Variants in MERTK observed in about 807,000 individuals in gnomAD.
MERTK encodes tyrosine-protein kinase Mer.
In MERTK, 69 loss-of-function variants were observed where a neutral mutation model predicts 99.3. The observed-to-expected ratio is 0.70, with a 90% confidence interval of 0.57 to 0.85. The LOEUF (loss-of-function observed/expected upper bound fraction) is 0.85. Among genes scored for constraint, MERTK ranks in the 40% least tolerant of loss-of-function variants. MERTK has a pLI of 0.00. For missense variants in MERTK, 1,125 were observed against 1,249.4 expected, an observed-to-expected ratio of 0.90 and a Z score of 1.50; for synonymous variants, 426 against 467.6, an observed-to-expected ratio of 0.91 and a Z score of 1.15.
intron 6 of MERTK, among the ~76,000 whole-genome samples, 163 bp downstream of exon 6, chr2:111,968,415 T>C (rs975208662): frequency 6.6e-6 from 1 of 152,188 alleles, no homozygotes; most frequent in African/African-American, 2.4e-5. Flanking sequence ...CTATTCCATG[T>C]CCATGCTCTG....
Position 112,008,485 on chromosome 2 carries a change from AG to A in MERTK, c.1960+11del. On this transcript the variant is annotated intron_variant, in intron 14 of 18. Coordinates refer to ENST00000295408, the MANE Select transcript of MERTK (RefSeq NM_006343.3). ...GTCATTCGACTTCTAGGTACTTCCG[AG>A]AAATGCAGGAGTGGGTGGCCAAGAG... The A allele has an allele frequency of 6.2e-7, 1 of 1,609,484 alleles. No individual in the cohort carries two copies. Among genetic ancestry groups the A allele is most frequent in the Non-Finnish European group, 8.5e-7 (1 of 1,175,786 alleles).
chr2:111,929,250 GTTTTCAC>G lies in MERTK; in HGVS notation c.193_199del (p.Phe65GlnfsTer12), dbSNP rs1294318434. On this transcript the variant is annotated frameshift_variant, in exon 2 of 19. Coordinates refer to ENST00000295408, the MANE Select transcript of MERTK (RefSeq NM_006343.3). LOFTEE classifies it high-confidence loss of function. ...CCAGTGGGTACCAGCCTGCCTTGAT[GTTTTCAC>G]CAACCCAGCCTGGAAGACCACATAC... 6.2e-7 allele frequency: 1 copy of G among 1,614,196 alleles called. No individual in the cohort carries two copies. Among genetic ancestry groups the G allele is most frequent in the Non-Finnish European group, 8.5e-7 (1 of 1,180,034 alleles).
Position 111,929,243 on chromosome 2 carries a change from C to CCTTGATGTTTTCACCAACCCAGCCTGG in MERTK, c.186_212dup (p.Leu63_Gly71dup). 1 of 1,614,200 alleles carries CCTTGATGTTTTCACCAACCCAGCCTGG rather than the reference C, an allele frequency of 6.2e-7. No individual in the cohort carries two copies. Among genetic ancestry groups the CCTTGATGTTTTCACCAACCCAGCCTGG allele is most frequent in the South Asian group, 1.1e-5 (1 of 91,080 alleles). ...CCTCACGCCAGTGGGTACCAGCCTG[C>CCTTGATGTTTTCACCAACCCAGCCTGG]CTTGATGTTTTCACCAACCCAGCCT... On this transcript the variant is annotated inframe_insertion, in exon 2 of 19. Coordinates refer to ENST00000295408, the MANE Select transcript of MERTK (RefSeq NM_006343.3).
chr2:112,007,280 A>C (rs567960720), intron 13 of MERTK, among the ~76,000 whole-genome samples: 1 of 152,090 alleles, frequency 6.6e-6, no homozygotes, highest in South Asian at 2.1e-4. Flanking sequence ...TCAGCCTCAC[A>C]AGTAGCTGGA....
intron 18 of MERTK, 174 bp downstream of exon 18, chr2:112,022,568 G>A (rs776938254): frequency 2.0e-6 from 2 of 977,050 alleles, no homozygotes; most frequent in Non-Finnish European, 3.3e-6. Flanking sequence ...TCCTGATGTG[G>A]GAGATAGTGT....
In MERTK at chr2:111,981,183, A is replaced by G. The variant is rs528183427; in HGVS notation, c.1145-1659A>G. Among the ~76,000 whole-genome samples, 7 of 152,344 alleles carry G rather than the reference A, an allele frequency of 4.6e-5. No homozygotes were observed. The East Asian group carries it at 1.3e-3, about 29-fold the overall frequency. Reference sequence around the variant, plus strand: ...ATCCTTTCACACATATCTGAAATATAGAATTTAACCTCCCCTCATTCAACT... The same window carrying G: ...ATCCTTTCACACATATCTGAAATATGGAATTTAACCTCCCCTCATTCAACT... On this transcript the variant is annotated intron_variant, in intron 7 of 18. Transcript: ENST00000295408.
intron 4 of MERTK, among the ~76,000 whole-genome samples, chr2:111,953,588 T>TC (rs398042575): frequency 6.6e-6 from 1 of 152,008 alleles, no homozygotes; most frequent in Non-Finnish European, 1.5e-5. Flanking sequence ...CTTTTTTTTT[T>TC]GTTTTGAGAT....
At chr2:111,925,404 C>T (rs1319109553) in intron 1 of MERTK, among the ~76,000 whole-genome samples, 12 of 141,446 alleles carry the variant, frequency 8.5e-5, no homozygotes, top group Non-Finnish European at 1.2e-4. Flanking sequence ...CGGGTTCAAG[C>T]GATTCTCCTG....
At position 112,001,909 on chromosome 2, in the gene MERTK, T is replaced by G. The variant is rs188248263; in HGVS notation, c.1690+623T>G. Among the ~76,000 whole-genome samples, 52 of 152,326 alleles carry G rather than the reference T, an allele frequency of 3.4e-4. No individual in the cohort carries two copies. The East Asian group carries it at 9.6e-3, about 28-fold the overall frequency. On this transcript the variant is annotated intron_variant, in intron 11 of 18. Transcript: ENST00000295408. ...AAACTTGCTTGGTGTAGAATATTAT[T>G]AATTTCTTTACCTTTCTAGTCTGTA... is the stretch of plus-strand genomic sequence containing the variant.
At chr2:111,915,627 G>T (rs914014299) in intron 1 of MERTK, among the ~76,000 whole-genome samples, 1 of 151,950 alleles carries the variant, frequency 6.6e-6, no homozygotes, top group African/African-American at 2.4e-5. Flanking sequence ...TTTAGTTTGC[G>T]GCTGGGCGTG....
At chr2:111,904,813 T>C (rs1254434610) in intron 1 of MERTK, among the ~76,000 whole-genome samples, 1 of 152,228 alleles carries the variant, frequency 6.6e-6, no homozygotes, top group Non-Finnish European at 1.5e-5. Flanking sequence ...CAGGTGGTCT[T>C]GTAGGAAATG....
chr2:111,945,727 G>T (rs1179688771), intron 3 of MERTK, among the ~76,000 whole-genome samples: 1 of 152,240 alleles, frequency 6.6e-6, no homozygotes, highest in Non-Finnish European at 1.5e-5. Flanking sequence ...GGTGAGCCCA[G>T]GTCCTGGTTT....
intron 4 of MERTK, among the ~76,000 whole-genome samples, chr2:111,949,766 A>G (rs1294593043): frequency 6.6e-6 from 1 of 152,122 alleles, no homozygotes. Context: ...CCCATAGGCA[A>G]TTCTGTTCTT....
At chr2:111,965,089 C>A in intron 4 of MERTK, 102 bp from the exon 5 acceptor site, 1 of 1,171,256 alleles carries the variant, frequency 8.5e-7, no homozygotes, top group Non-Finnish European at 1.3e-6. Flanking sequence ...TGCCCAAAAG[C>A]CATGAACCAA....
chr2:112,006,233 G>T (rs1387751919), intron 13 of MERTK, among the ~76,000 whole-genome samples: 1 of 151,624 alleles, frequency 6.6e-6, no homozygotes, highest in Non-Finnish European at 1.5e-5. Context: ...TAACCAACAA[G>T]TCACATGAAC....
intron 1 of MERTK, among the ~76,000 whole-genome samples, chr2:111,926,393 G>GC (rs1684568114): frequency 1.3e-5 from 2 of 152,082 alleles, no homozygotes; most frequent in African/African-American, 4.8e-5. Flanking sequence ...AGATGAGTGT[G>GC]CCCACCCAAG....
intron 1 of MERTK, among the ~76,000 whole-genome samples, chr2:111,911,703 T>C (rs1230747346): frequency 7.1e-6 from 1 of 141,246 alleles, no homozygotes; most frequent in African/African-American, 2.7e-5. Flanking sequence ...TTTTTTTTTT[T>C]TTTTTTTTTT....
Position 112,021,423 on chromosome 2 carries a change from T to A in MERTK, c.2191T>A (p.Leu731Met). The A allele has an allele frequency of 6.2e-7, 1 of 1,613,136 alleles. No homozygotes were observed. Among genetic ancestry groups the A allele is most frequent in the Non-Finnish European group, 8.5e-7 (1 of 1,179,862 alleles). ...HRDLAARNCM[L>M]RDDMTVCVAD... ...GAAGACGTAACCTGCTCTCTGTAGG[T>A]TGCGAGATGACATGACTGTCTGTGT... is the stretch of plus-strand genomic sequence containing the variant. Residue 731 changes from leucine to methionine, a missense_variant and splice_region_variant, in exon 17 of 19, where the codon TTG becomes ATG. By Grantham distance (15) the Leu-to-Met change is conservative. Coordinates refer to ENST00000295408, the MANE Select transcript of MERTK (RefSeq NM_006343.3).
chr2:112,002,970 C>A, intron 11 of MERTK, 122 bp from the exon 12 acceptor site: 1 of 596,904 alleles, frequency 1.7e-6, no homozygotes, highest in Admixed American at 2.4e-5. Context: ...TAGACTCTGG[C>A]TCAATAAATA....
Sources: allele counts gnomAD v4.1 joint callset (sites outside exome capture counted in the v4.1 genomes callset), GRCh38; gene constraint gnomAD v4.1.1; transcripts MANE v1.5; gene names NCBI Gene and HGNC (gene_info 2026-07-23, HGNC 2026-07-21).